Variants in ADGRL2 observed in about 807,000 individuals in gnomAD.
ADGRL2 encodes adhesion G protein-coupled receptor L2, also known as calcium-independent alpha-latrotoxin receptor 2.
A neutral mutation model predicts 157.4 loss-of-function variants in ADGRL2; 44 were observed. The observed-to-expected ratio is 0.28, with a 90% confidence interval of 0.22 to 0.36. The LOEUF is 0.36. Ranked by LOEUF, ADGRL2 falls within the 10% of genes least tolerant of loss-of-function variation. The probability of loss-of-function intolerance (pLI) is 1.00; values close to 1 mark genes in which losing one functional copy is unlikely to be tolerated. For synonymous variants in ADGRL2, 585 were observed against 624.7 expected (o/e 0.94, Z 0.95); for missense variants, 1,510 against 1,768.9 (o/e 0.85, Z 2.63).
At chr1:81,642,618 T>C (rs7518612) in intron 3 of ADGRL2, among the ~76,000 whole-genome samples, 2,701 of 152,120 alleles carry the variant, frequency 0.018, 75 homozygotes, top group African/African-American at 0.062. Context: ...TAAGGAAAGA[T>C]ATTATAAGAA....
At chr1:81,412,599 T>A (rs1346324636) in intron 1 of ADGRL2, among the ~76,000 whole-genome samples, 3 of 152,226 alleles carry the variant, frequency 2.0e-5, no homozygotes, top group African/African-American at 7.2e-5. Context: ...AGAGACTCCA[T>A]CTTCTATGTC....
At chr1:81,968,636 A>G (rs1209928622) in intron 14 of ADGRL2, among the ~76,000 whole-genome samples, 1 of 152,216 alleles carries the variant, frequency 6.6e-6, no homozygotes, top group East Asian at 1.9e-4. Context: ...GGCTTCTGGA[A>G]TATGTCTCAG....
intron 1 of ADGRL2, among the ~76,000 whole-genome samples, chr1:81,338,073 C>CT (rs1489869927): frequency 6.6e-6 from 1 of 152,102 alleles, no homozygotes; most frequent in Non-Finnish European, 1.5e-5. Flanking sequence ...ACAATTCAGA[C>CT]TACTCTTGGC....
chr1:81,871,953 A>G (rs1348589384), intron 2 of ADGRL2, among the ~76,000 whole-genome samples: 1 of 151,978 alleles, frequency 6.6e-6, no homozygotes, highest in African/African-American at 2.4e-5. Context: ...CCATTTGTCA[A>G]TTTTGGCTTT....
chr1:81,830,915 C>T (rs2091900087), intron 1 of ADGRL2, among the ~76,000 whole-genome samples: 1 of 152,108 alleles, frequency 6.6e-6, no homozygotes, highest in Admixed American at 6.6e-5. Flanking sequence ...TATGACAGAT[C>T]CTGGGTCATT....
At chr1:81,596,548 A>G (rs1330679465) in intron 3 of ADGRL2, 4 of 327,864 alleles carry the variant, frequency 1.2e-5, no homozygotes, top group Non-Finnish European at 2.4e-5. Context: ...CCTTGGCAAG[A>G]GCGAACAGCG....
chr1:81,744,480 C>T (rs1311981403), intron 1 of ADGRL2, among the ~76,000 whole-genome samples: 1 of 152,118 alleles, frequency 6.6e-6, no homozygotes, highest in Non-Finnish European at 1.5e-5. Context: ...CACTAGTAAC[C>T]ACTACGCCCT....
At chr1:81,356,971 A>AAAAAAAAAAAAAAAAAAAAAAAAT (rs80327519) in intron 1 of ADGRL2, among the ~76,000 whole-genome samples, 1 of 99,310 alleles carries the variant, frequency 1.0e-5, no homozygotes, top group African/African-American at 3.2e-5. Context: ...AAAAAAAAAA[A>AAAAAAAAAAAAAAAAAAAAAAAAT]AAGAAGTTGT....
At chr1:81,854,569 C>T (rs34921080) in intron 2 of ADGRL2, among the ~76,000 whole-genome samples, 20,914 of 152,082 alleles carry the variant, frequency 0.14, 1,635 homozygotes, top group East Asian at 0.2. Flanking sequence ...AATGTTTAAA[C>T]ATTTATTAAT....
chr1:81,580,817 AT>A (rs1359450237), intron 2 of ADGRL2: 2 of 152,132 alleles, frequency 1.3e-5, no homozygotes, highest in Non-Finnish European at 2.9e-5. Flanking sequence ...CTTTTTCGAA[AT>A]TAAACTAAAG....
intron 2 of ADGRL2, chr1:81,557,754 A>G (rs2080345323): frequency 6.6e-6 from 1 of 152,240 alleles, no homozygotes; most frequent in African/African-American, 2.4e-5. Context: ...CTGTCTGAAG[A>G]AGCGAAGTCT....
upstream of ADGRL2, among the ~76,000 whole-genome samples, chr1:81,797,389 T>C (rs910563397): frequency 6.6e-6 from 1 of 152,134 alleles, no homozygotes; most frequent in Non-Finnish European, 1.5e-5. Flanking sequence ...GATACAACCG[T>C]CCCTCCTTAA....
chr1:81,566,384 T>C (rs1317515523), intron 2 of ADGRL2, among the ~76,000 whole-genome samples: 26 of 152,288 alleles, frequency 1.7e-4, no homozygotes, highest in Non-Finnish European at 5.9e-5. Context: ...TAGTAGTCCA[T>C]CATAGTTGAG....
upstream of ADGRL2, among the ~76,000 whole-genome samples, chr1:81,696,046 G>T (rs1471558728): frequency 6.6e-6 from 1 of 152,044 alleles, no homozygotes; most frequent in Admixed American, 6.6e-5. Context: ...CACCCAGAAG[G>T]ACCTAGACTT....
chr1:81,373,052 T>C (rs1298771790), intron 1 of ADGRL2, among the ~76,000 whole-genome samples: 1 of 152,174 alleles, frequency 6.6e-6, no homozygotes, highest in Non-Finnish European at 1.5e-5. Context: ...TTTCAACAAG[T>C]GCCATGGTCA....
At chr1:81,515,480 T>G (rs2079158342) in intron 2 of ADGRL2, among the ~76,000 whole-genome samples, 1 of 148,964 alleles carries the variant, frequency 6.7e-6, no homozygotes, top group Non-Finnish European at 1.5e-5. Flanking sequence ...TAGCACAAAA[T>G]AAATAACAGT....
At chr1:81,707,723 CA>C (rs1231564891) in intron 1 of ADGRL2, among the ~76,000 whole-genome samples, 1 of 152,096 alleles carries the variant, frequency 6.6e-6, no homozygotes, top group Non-Finnish European at 1.5e-5. Context: ...AATCTGATAA[CA>C]AATACCACCA....
chr1:81,309,512 G>C (rs975891983), intron 1 of ADGRL2, among the ~76,000 whole-genome samples: 1 of 152,198 alleles, frequency 6.6e-6, no homozygotes, highest in Non-Finnish European at 1.5e-5. Context: ...CTGATGACTA[G>C]TAGTAGGGAC....
chr1:81,551,551 C>A (rs1364679406), intron 2 of ADGRL2, among the ~76,000 whole-genome samples: 1 of 152,150 alleles, frequency 6.6e-6, no homozygotes, highest in Non-Finnish European at 1.5e-5. Context: ...TTCCTCATTT[C>A]ATCTATTAAA....
Sources: gnomAD v4.1 joint callset for allele counts (sites outside exome capture counted in the v4.1 genomes callset) on GRCh38, gnomAD v4.1.1 for gene constraint, MANE v1.5 for transcripts, NCBI Gene and HGNC (gene_info 2026-07-23, HGNC 2026-07-21) for gene names.